PRKCE: variants seen among roughly 807,000 people sequenced by gnomAD.
PRKCE encodes the protein protein kinase C epsilon.
PRKCE carries 16 observed loss-of-function variants against 85.4 expected under a neutral mutation model. The observed-to-expected ratio is 0.19, with a 90% confidence interval of 0.13 to 0.28. The LOEUF (loss-of-function observed/expected upper bound fraction) is 0.28, where lower values mean the gene tolerates loss of function less well. Among genes scored for constraint, PRKCE ranks in the 10% least tolerant of loss-of-function variants. PRKCE has a pLI of 1.00. For missense variants in PRKCE, 573 were observed against 975.2 expected (o/e 0.59, Z 5.49); for synonymous variants, 388 against 371.5 (o/e 1.04, Z -0.51).
chr2:45,917,950 G>C lies in PRKCE; in HGVS notation c.413-58479G>C, dbSNP rs763513781. On this transcript the variant is annotated intron_variant, in intron 2 of 14. Transcript: ENST00000306156. Reference sequence around the variant, plus strand: ...CTCATTGCCCAGGGCTGGCAGGGCCGGCGGCCGGCTGCTCCGAGTGCGGGG... The same window carrying C: ...CTCATTGCCCAGGGCTGGCAGGGCCCGCGGCCGGCTGCTCCGAGTGCGGGG... 8.7e-4 allele frequency among the ~76,000 whole-genome samples: 132 copies of C among 152,292 alleles called. 1 individual carries two copies. The highest frequency in any genetic ancestry group is 1.7e-3 in the Non-Finnish European group (116 of 68,016).
intron 1 of PRKCE, among the ~76,000 whole-genome samples, chr2:45,806,243 G>T (rs1057098213): frequency 2.6e-5 from 4 of 152,182 alleles, no homozygotes; most frequent in African/African-American, 9.7e-5. Flanking sequence ...AGGGTCCCAT[G>T]TGTGTGAGAA....
intron 1 of PRKCE, among the ~76,000 whole-genome samples, chr2:45,773,553 C>T (rs797003754): frequency 2.6e-5 from 4 of 152,332 alleles, no homozygotes; most frequent in African/African-American, 9.6e-5. Context: ...AGGCCTTGTG[C>T]TAATGATTAG....
At chr2:45,684,015 C>G (rs1205904038) in intron 1 of PRKCE, among the ~76,000 whole-genome samples, 1 of 152,194 alleles carries the variant, frequency 6.6e-6, no homozygotes, top group African/African-American at 2.4e-5. Context: ...ACACCATAAA[C>G]AACTTCAGAC....
At chr2:46,083,584 A>C (rs1287567193) in intron 10 of PRKCE, among the ~76,000 whole-genome samples, 2 of 152,182 alleles carry the variant, frequency 1.3e-5, no homozygotes, top group African/African-American at 4.8e-5. Flanking sequence ...GTGTTCAGTG[A>C]ATGATCCAGC....
rs1339007074 is a variant in PRKCE, at chr2:45,774,501, G to A, written c.349-68499G>A. ...TTTTGATAAATTCTCTTCCCTCCCTGTCTCTCCTGTCTCCTTTCCATCATG... is the reference window on the plus strand; with the variant it reads ...TTTTGATAAATTCTCTTCCCTCCCTATCTCTCCTGTCTCCTTTCCATCATG... On this transcript the variant is annotated intron_variant, in intron 1 of 14. Transcript: ENST00000306156. This position sits in a 1 kb window ranked among gnomAD's most constrained non-coding sequence, Gnocchi z 4.3. 5.3e-5 allele frequency among the ~76,000 whole-genome samples: 8 copies of A among 152,122 alleles called. No homozygotes were observed. The highest frequency in any genetic ancestry group is 1.9e-4 in the East Asian group (1 of 5,186).
chr2:45,655,182 T>C (rs1675319696), intron 1 of PRKCE, among the ~76,000 whole-genome samples: 1 of 152,164 alleles, frequency 6.6e-6, no homozygotes, highest in East Asian at 1.9e-4. Context: ...AATGAGGCCC[T>C]GGGTTACTCT....
At chr2:45,823,584 G>A (rs983579362) in intron 1 of PRKCE, among the ~76,000 whole-genome samples, 5 of 152,232 alleles carry the variant, frequency 3.3e-5, no homozygotes, top group Admixed American at 3.3e-4. Flanking sequence ...CAGCAAGAAA[G>A]TCGGGGGTAG....
intron 1 of PRKCE, among the ~76,000 whole-genome samples, chr2:45,814,617 T>A (rs1220949720): frequency 6.6e-6 from 1 of 152,208 alleles, no homozygotes; most frequent in Non-Finnish European, 1.5e-5. Context: ...ACCACCGATC[T>A]GGAAGAAAAC....
intron 6 of PRKCE, among the ~76,000 whole-genome samples, chr2:45,994,329 T>A (rs1437562560): frequency 6.6e-6 from 1 of 152,192 alleles, no homozygotes; most frequent in Non-Finnish European, 1.5e-5. Flanking sequence ...GGGCTCACTC[T>A]TGGTGGTGTA....
chr2:45,945,876 A>G (rs888722798), intron 2 of PRKCE, among the ~76,000 whole-genome samples: 4 of 152,210 alleles, frequency 2.6e-5, no homozygotes, highest in Non-Finnish European at 5.9e-5. Context: ...AGACCATTTG[A>G]AGGACTTCTC....
At chr2:45,948,751 G>A (rs1036641682) in intron 2 of PRKCE, among the ~76,000 whole-genome samples, 8 of 152,158 alleles carry the variant, frequency 5.3e-5, no homozygotes, top group African/African-American at 1.7e-4. Context: ...GATAACCCCT[G>A]GGCTGAAGTT....
chr2:45,877,299 T>C (rs999254951), intron 2 of PRKCE, among the ~76,000 whole-genome samples: 1 of 152,176 alleles, frequency 6.6e-6, no homozygotes, highest in Admixed American at 6.5e-5. Context: ...CATATTTAGG[T>C]ATGGCTTCTT....
At chr2:45,883,137 C>T (rs1439717582) in intron 2 of PRKCE, among the ~76,000 whole-genome samples, 1 of 152,240 alleles carries the variant, frequency 6.6e-6, no homozygotes, top group Non-Finnish European at 1.5e-5. Flanking sequence ...TTCCTGCAGC[C>T]AGCCATTCTG....
chr2:45,893,520 A>T (rs1219596142), intron 2 of PRKCE, among the ~76,000 whole-genome samples: 1 of 152,006 alleles, frequency 6.6e-6, no homozygotes, highest in Non-Finnish European at 1.5e-5. Flanking sequence ...GGCACCCGCC[A>T]CCACACCCAG....
At chr2:46,109,474 G>A (rs553595641) in intron 11 of PRKCE, among the ~76,000 whole-genome samples, 83 of 152,092 alleles carry the variant, frequency 5.5e-4, no homozygotes, top group Admixed American at 1.2e-3. Context: ...TACTGAAAAC[G>A]ATATATTTTT....
chr2:45,858,001 G>A (rs989631113), intron 2 of PRKCE, among the ~76,000 whole-genome samples: 1 of 152,226 alleles, frequency 6.6e-6, no homozygotes, highest in Non-Finnish European at 1.5e-5. Context: ...GCCAGCTGAC[G>A]GCTGAGCGTC....
At chr2:45,942,402 G>A (rs1388448120) in intron 2 of PRKCE, among the ~76,000 whole-genome samples, 1 of 152,198 alleles carries the variant, frequency 6.6e-6, no homozygotes, top group Non-Finnish European at 1.5e-5. Context: ...TAGGCAGTAT[G>A]TTCCTCCCTG....
intron 2 of PRKCE, among the ~76,000 whole-genome samples, chr2:45,846,671 C>T (rs1389092894): frequency 3.3e-5 from 5 of 152,208 alleles, no homozygotes; most frequent in Non-Finnish European, 5.9e-5. Flanking sequence ...TCAGTCTTCT[C>T]TGTGGGACTC....
At chr2:46,122,324 T>C (rs970530343) in intron 11 of PRKCE, among the ~76,000 whole-genome samples, 3 of 152,162 alleles carry the variant, frequency 2.0e-5, no homozygotes, top group African/African-American at 7.2e-5. Context: ...CTCTGCCTCC[T>C]GGATTCAAGT....
Sources: allele counts gnomAD v4.1 joint callset (sites outside exome capture counted in the v4.1 genomes callset), GRCh38; gene constraint gnomAD v4.1.1; non-coding constraint Gnocchi (gnomAD v3.1); transcripts MANE v1.5; gene names NCBI Gene and HGNC (gene_info 2026-07-23, HGNC 2026-07-21).